The following DECR1 variants were observed in gnomAD, a reference collection of about 807,000 sequenced individuals.
The protein encoded by DECR1 is 2,4-dienoyl-CoA reductase 1.
In DECR1, 44 loss-of-function variants were observed where a neutral mutation model predicts 38.8. The ratio of observed to expected loss-of-function variants is 1.13; its 90% CI spans 0.89 to 1.46. The LOEUF (loss-of-function observed/expected upper bound fraction) is 1.46. DECR1 is among the 40% of genes most tolerant of loss of function. The pLI, the probability that DECR1 is intolerant of heterozygous loss-of-function variation, is 0.00. For missense variants in DECR1, 428 were observed against 405.5 expected, an observed-to-expected ratio of 1.06 and a Z score of -0.48; for synonymous variants, 148 against 135.2, an observed-to-expected ratio of 1.09 and a Z score of -0.66.
rs962717766 is a variant in DECR1, at chr8:90,052,308, A to G, written c.*411A>G. 5.3e-5 allele frequency among the ~76,000 whole-genome samples: 8 copies of G among 152,170 alleles called. No individual in the cohort carries two copies. The highest frequency in any genetic ancestry group is 1.7e-4 in the African/African-American group (7 of 41,438). On this transcript the variant is annotated 3_prime_UTR_variant, in exon 10 of 10. Transcript: ENST00000220764. The stretch of plus-strand genomic sequence containing the variant: ...AGAAATTAGAGGATACACACTAAAT[A>G]TAATAGACTTTGCCTTTCCAGTATA...
intron 1 of DECR1, chr8:90,006,172 A>G: frequency 1.4e-6 from 1 of 703,516 alleles, no homozygotes; most frequent in Non-Finnish European, 2.6e-6. Context: ...CATCCTTAGC[A>G]GGTTGACTAA....
chr8:90,023,703 T>A (rs1377301473), intron 5 of DECR1, among the ~76,000 whole-genome samples: 1 of 151,978 alleles, frequency 6.6e-6, no homozygotes, highest in African/African-American at 2.4e-5. Context: ...ATCTTCTATA[T>A]CTAGTTTGCT....
rs192510039 is a variant in DECR1 at position 90,045,108 on chromosome 8, T to C, written c.885+113T>C. 4.5e-6 allele frequency: 4 copies of C among 888,822 alleles called. No homozygotes were observed. In the East Asian group the frequency reaches 8.5e-5, roughly 19 times the overall value. The allele number at this position is 888,822 out of a possible 1,614,324, so 55.1% of individuals were successfully genotyped here. ...GAATGTAAATATCATTTAAAATATG[T>C]ATTTAGTTGTAAATAATATAAAATA... On this transcript the variant is annotated intron_variant, in intron 8 of 9. Coordinates refer to ENST00000220764, the MANE Select transcript of DECR1 (RefSeq NM_001359.2).
chr8:90,011,279 C>T (rs1371651024), intron 1 of DECR1, among the ~76,000 whole-genome samples: 1 of 152,120 alleles, frequency 6.6e-6, no homozygotes, highest in Admixed American at 6.5e-5. Flanking sequence ...CATTCCAGCT[C>T]CTTCTTTTGG....
intron 6 of DECR1, among the ~76,000 whole-genome samples, chr8:90,040,289 T>C (rs1173535778): frequency 6.6e-6 from 1 of 152,206 alleles, no homozygotes; most frequent in African/African-American, 2.4e-5. Context: ...GCAATTTTTA[T>C]GTATGTTCTG....
chr8:90,008,804 G>A (rs141240148), intron 1 of DECR1, among the ~76,000 whole-genome samples: 3 of 152,286 alleles, frequency 2.0e-5, no homozygotes, highest in African/African-American at 7.2e-5. Context: ...AATTGGACCA[G>A]GCGATATTAG....
chr8:90,006,243 G>A (rs1473047321), intron 1 of DECR1: 2 of 704,024 alleles, frequency 2.8e-6, no homozygotes, highest in East Asian at 2.7e-5. Flanking sequence ...GAGATGTCAG[G>A]ACTGGGGAAG....
chr8:90,017,086 T>A, intron 1 of DECR1, 38 bp from the exon 2 acceptor site: 1 of 1,472,724 alleles, frequency 6.8e-7, no homozygotes, highest in Non-Finnish European at 9.4e-7. Context: ...TTTTTGGAAA[T>A]ATATGTATGC....
At chr8:90,040,183 C>G (rs1813720311) in intron 6 of DECR1, among the ~76,000 whole-genome samples, 1 of 152,102 alleles carries the variant, frequency 6.6e-6, no homozygotes, top group Non-Finnish European at 1.5e-5. Flanking sequence ...TACAGTAATT[C>G]TATTAAGACA....
At chr8:90,039,838 C>T (rs1813710226) in intron 6 of DECR1, among the ~76,000 whole-genome samples, 1 of 152,170 alleles carries the variant, frequency 6.6e-6, no homozygotes, top group Non-Finnish European at 1.5e-5. Context: ...AGAGCAGGGA[C>T]TGACTTTATT....
chr8:90,049,874 A>G (rs1414665038), intron 8 of DECR1, among the ~76,000 whole-genome samples: 5 of 152,158 alleles, frequency 3.3e-5, no homozygotes, highest in Non-Finnish European at 7.3e-5. Context: ...ATAATACCAC[A>G]CATCTACAAC....
chr8:90,021,330 A>G (rs2130063039), intron 5 of DECR1, among the ~76,000 whole-genome samples: 1 of 152,328 alleles, frequency 6.6e-6, no homozygotes, highest in South Asian at 2.1e-4. Flanking sequence ...CTTAAGCTGA[A>G]AGTTCAAAGA....
At chr8:90,043,311 G>A (rs527822654) in intron 7 of DECR1, among the ~76,000 whole-genome samples, 6 of 152,082 alleles carry the variant, frequency 3.9e-5, no homozygotes, top group Admixed American at 1.3e-4. Context: ...GTCATCTAAC[G>A]CCCACATGTC....
intron 1 of DECR1, chr8:90,005,595 G>A (rs1812718898): frequency 2.7e-6 from 1 of 372,936 alleles, no homozygotes; most frequent in Admixed American, 3.5e-5. Flanking sequence ...AAGGCAGCTG[G>A]CTCCCAAAAG....
chr8:90,014,881 G>C (rs1182382379), intron 1 of DECR1, among the ~76,000 whole-genome samples: 3 of 152,100 alleles, frequency 2.0e-5, no homozygotes. Flanking sequence ...GCAGGTGGCA[G>C]CTTTAAGGAA....
At chr8:90,002,779 ATT>A (rs969432332) in intron 1 of DECR1, among the ~76,000 whole-genome samples, 2 of 151,874 alleles carry the variant, frequency 1.3e-5, no homozygotes, top group African/African-American at 4.8e-5. Flanking sequence ...GGTTTTGCTG[ATT>A]TTTTTTCTCT....
intron 5 of DECR1, chr8:90,030,381 A>G (rs2130103945): frequency 6.6e-6 from 1 of 152,306 alleles, no homozygotes; most frequent in East Asian, 1.9e-4. Flanking sequence ...TCCGTCCATT[A>G]CAAATTCTTT....
At chr8:90,033,285 A>AT (rs1191908949) in intron 5 of DECR1, among the ~76,000 whole-genome samples, 1 of 152,042 alleles carries the variant, frequency 6.6e-6, no homozygotes, top group Non-Finnish European at 1.5e-5. Flanking sequence ...TTTTATTACT[A>AT]TTTTTTTCCA....
chr8:90,051,847 G>T lies in DECR1; in HGVS notation c.958G>T (p.Glu320Ter). The change falls in exon 10 of 10, where the codon GAG (glutamate) becomes TAG (stop). Residue 320 changes from glutamate to a stop codon, truncating the protein, a stop_gained. Transcript: ENST00000220764. LOFTEE classifies it high-confidence loss of function. The part of the protein sequence containing the change: ...EFNDLRKVTK[E>*]QWDTIEELIR... ...ATCTTTTTTGTGTTAGGTCACCAAG[G>T]AGCAGTGGGACACCATAGAAGAACT... is the stretch of plus-strand genomic sequence containing the variant. The T allele has an allele frequency of 6.2e-7, 1 of 1,613,758 alleles. No homozygotes were observed. Among genetic ancestry groups the T allele is most frequent in the Non-Finnish European group, 8.5e-7 (1 of 1,179,872 alleles).
Sources: allele counts gnomAD v4.1 joint callset (sites outside exome capture counted in the v4.1 genomes callset), GRCh38; gene constraint gnomAD v4.1.1; transcripts MANE v1.5; gene names NCBI Gene and HGNC (gene_info 2026-07-23, HGNC 2026-07-21).